SPAG8: variants seen among roughly 807,000 people sequenced by gnomAD.
SPAG8 encodes sperm-associated antigen 8.
In SPAG8, 36 loss-of-function variants were observed where a neutral mutation model predicts 45.3. The ratio of observed to expected loss-of-function variants is 0.80; its 90% CI spans 0.61 to 1.05. The LOEUF is 1.05. Ranked by LOEUF, SPAG8 falls within the 50% of genes least tolerant of loss-of-function variation. The pLI, the probability that SPAG8 is intolerant of heterozygous loss-of-function variation, is 0.00. For synonymous variants in SPAG8, 227 were observed against 232.6 expected (o/e 0.98, Z 0.22); for missense variants, 573 against 609.2 (o/e 0.94, Z 0.63).
downstream of SPAG8, chr9:35,808,571 C>G: frequency 1.2e-6 from 2 of 1,614,170 alleles, no homozygotes; most frequent in Non-Finnish European, 1.7e-6. This position sits in a 1 kb window ranked among gnomAD's most constrained non-coding sequence, Gnocchi z 4.0. Context: ...ATGGTCAACG[C>G]CATGCACCAG....
At chr9:35,808,926 C>A, downstream of SPAG8, 2 of 1,064,940 alleles carry the variant, frequency 1.9e-6, no homozygotes, top group Non-Finnish European at 2.9e-6. The surrounding 1 kb of genome is among the most constrained non-coding windows in gnomAD (Gnocchi z 4.0). Flanking sequence ...ATAATCCCTC[C>A]AATTTCTTAA....
chr9:35,809,063 G>A, downstream of SPAG8: 1 of 1,234,536 alleles, frequency 8.1e-7, no homozygotes, highest in Non-Finnish European at 1.2e-6. This position sits in a 1 kb window ranked among gnomAD's most constrained non-coding sequence, Gnocchi z 4.1. Context: ...AGGGATGGTT[G>A]GTCGGGCACG....
At chr9:35,808,270 T>C (rs868663386), downstream of SPAG8, 1 of 1,614,022 alleles carries the variant, frequency 6.2e-7, no homozygotes, top group African/African-American at 1.3e-5. This position sits in a 1 kb window ranked among gnomAD's most constrained non-coding sequence, Gnocchi z 4.0. Context: ...AGGGTGTTCA[T>C]TCATTCCGCA....
At chr9:35,807,907 T>C (rs1828494024), downstream of SPAG8, 6 of 477,086 alleles carry the variant, frequency 1.3e-5, no homozygotes, top group South Asian at 1.3e-4. Context: ...CTCAGTTGTT[T>C]TATCTGTAAG....
rs772146149 is a variant in SPAG8, at chr9:35,810,570, G to A, written c.1086-17C>T. 18 of 1,613,754 alleles carry A rather than the reference G, an allele frequency of 1.1e-5. No homozygotes were observed. The Admixed American group carries it at 2.0e-4, about 18-fold the overall frequency. On this transcript the variant is annotated splice_polypyrimidine_tract_variant and intron_variant, in intron 4 of 6. Coordinates refer to ENST00000396638, the MANE Select transcript of SPAG8 (RefSeq NM_001039592.2). ...ACCTCTTTACTATGTAGCCCGAGGG[G>A]TGTCAAGGCCATTCTCACCCAATTT... is the stretch of plus-strand genomic sequence containing the variant.
downstream of SPAG8, chr9:35,809,395 C>G: frequency 6.2e-7 from 1 of 1,614,132 alleles, no homozygotes; most frequent in Non-Finnish European, 8.5e-7. This position sits in a 1 kb window ranked among gnomAD's most constrained non-coding sequence, Gnocchi z 4.1. Flanking sequence ...AGGAAAGATG[C>G]GAACATACTG....
chr9:35,810,043 C>G lies in SPAG8; in HGVS notation c.1353G>C (p.Leu451Phe). The change falls in exon 7 of 7, where the codon TTG (leucine) becomes TTC (phenylalanine). Residue 451 changes from leucine to phenylalanine, a missense_variant. Leu to Phe is a conservative substitution (Grantham distance 22). Coordinates refer to ENST00000396638, the MANE Select transcript of SPAG8 (RefSeq NM_001039592.2). ...TPVPLSLGKL[L>F]PYEPENYPYQ... ...AGGGGTAATTCTCAGGTTCATAGGG[C>G]AAAAGTTTCCCCAGAGACAAGGGTA... is the stretch of plus-strand genomic sequence containing the variant. 1 of 1,613,754 alleles carries G rather than the reference C, an allele frequency of 6.2e-7. No homozygotes were observed. The highest frequency in any genetic ancestry group is 1.7e-5 in the Admixed American group (1 of 59,988).
At chr9:35,808,042 G>A (rs570286316), downstream of SPAG8, 633 of 714,498 alleles carry the variant, frequency 8.9e-4, 1 homozygote, top group Non-Finnish European at 1.4e-3. The surrounding 1 kb of genome is among the most constrained non-coding windows in gnomAD (Gnocchi z 4.0). Context: ...ACTTCACTGT[G>A]TATTTCCTTA....
Position 35,810,430 on chromosome 9 carries a change from G to A in SPAG8, c.1200+9C>T. The A allele has an allele frequency of 6.2e-7, 1 of 1,612,220 alleles. No individual in the cohort carries two copies. Reference sequence around the variant, plus strand: ...TGCAAGTGGCGGGGGATGGGGGGTGGGTTCTCACCTTTGTTGGGGCAGGAG... The same window carrying A: ...TGCAAGTGGCGGGGGATGGGGGGTGAGTTCTCACCTTTGTTGGGGCAGGAG... On this transcript the variant is annotated intron_variant, in intron 5 of 6. Coordinates refer to ENST00000396638, the MANE Select transcript of SPAG8 (RefSeq NM_001039592.2).
At chr9:35,811,104 C>T (rs1828768160) in intron 2 of SPAG8, 47 bp from the exon 3 acceptor site, 2 of 1,584,592 alleles carry the variant, frequency 1.3e-6, no homozygotes, top group Non-Finnish European at 1.7e-6. Flanking sequence ...CTGGTACCCA[C>T]CCTCATGTAA....
intron 3 of SPAG8, 31 bp from the exon 4 acceptor site, chr9:35,810,713 G>A (rs1202982326): frequency 1.2e-6 from 2 of 1,613,980 alleles, no homozygotes; most frequent in South Asian, 2.2e-5. Context: ...GGGCAAGGTG[G>A]GGTCTGGTTA....
At chr9:35,810,757 A>G in intron 3 of SPAG8, 75 bp from the exon 4 acceptor site, 1 of 1,606,290 alleles carries the variant, frequency 6.2e-7, no homozygotes, top group Non-Finnish European at 8.5e-7. Context: ...ACTTGAGAAA[A>G]GGAAGAAGAA....
rs779328936 is a variant in SPAG8, at chr9:35,810,011, A to G, written c.1385T>C (p.Leu462Ser). The G allele has an allele frequency of 1.2e-6, 2 of 1,612,974 alleles. No individual in the cohort carries two copies. Among genetic ancestry groups the G allele is most frequent in the Non-Finnish European group, 1.7e-6 (2 of 1,179,434 alleles). The part of the protein sequence containing the change: ...PYEPENYPYQ[L>S]GEISSLPCPG... ...ACAGGGAAGGGAAGATATTTCTCCC[A>G]ATTGGTAGGGGTAATTCTCAGGTTC... Residue 462 changes from leucine (L) to serine (S), a missense_variant, in exon 7 of 7, where the codon TTG becomes TCG. Leu to Ser is a moderately radical substitution (Grantham distance 145). Coordinates refer to ENST00000396638, the MANE Select transcript of SPAG8 (RefSeq NM_001039592.2).
rs779550773 is a variant in SPAG8, at chr9:35,811,730, T to C, written c.316A>G (p.Ile106Val). 1.1e-5 allele frequency: 17 copies of C among 1,614,030 alleles called. No homozygotes were observed. The highest frequency in any genetic ancestry group is 3.3e-5 in the South Asian group (3 of 91,086). The change falls in exon 2 of 7, where the codon ATA (isoleucine) becomes GTA (valine). Residue 106 changes from isoleucine to valine, a missense_variant. Physicochemically the swap from Ile to Val is conservative, Grantham distance 29. Coordinates refer to ENST00000396638, the MANE Select transcript of SPAG8 (RefSeq NM_001039592.2). ...PCAGPGFTHN[I>V]AHGSLGFEPV... is the part of the protein sequence containing the mutation. ...TCAAAGCCAAGACTCCCATGGGCTA[T>C]ATTGTGGGTAAAGCCGGGTCCCGCA...
At position 35,811,950 on chromosome 9, in the gene SPAG8, C is replaced by T. The variant is rs756968586; in HGVS notation, c.96G>A (p.Pro32=). 3.1e-6 allele frequency: 5 copies of T among 1,601,738 alleles called. No individual in the cohort carries two copies. In the South Asian group the frequency reaches 5.5e-5, roughly 18 times the overall value. The stretch of plus-strand genomic sequence containing the variant: ...TGGGACTGTCATCTGAAGAAGGAAA[C>T]GGTTCCGAAGTGGGCCCCAGTCCTT... The part of the protein sequence containing the change: ...SSEGLGPTSE[P]FPSSDDSPRS... The change falls in exon 2 of 7, where the codon CCG becomes CCA. Residue 32 remains proline (P), a synonymous_variant. Transcript: ENST00000396638.
Position 35,809,879 on chromosome 9 carries a change from C to G in SPAG8, c.*59G>C, listed in dbSNP as rs1011876481. The G allele has an allele frequency of 1.3e-6, 2 of 1,534,518 alleles. No homozygotes were observed. Among genetic ancestry groups the G allele is most frequent in the African/African-American group, 2.8e-5 (2 of 72,114 alleles). Reference sequence around the variant, plus strand: ...CAGTGAGAATTAACTTCCTCCCGACCTCTCTAGTGCAGACAGAAATAGATT... The same window carrying G: ...CAGTGAGAATTAACTTCCTCCCGACGTCTCTAGTGCAGACAGAAATAGATT... On this transcript the variant is annotated 3_prime_UTR_variant, in exon 7 of 7. Transcript: ENST00000396638. The surrounding 1 kb of genome is among the most constrained non-coding windows in gnomAD (Gnocchi z 4.1).
At chr9:35,808,660 G>C, downstream of SPAG8, 3 of 1,614,072 alleles carry the variant, frequency 1.9e-6, no homozygotes, top group Non-Finnish European at 1.7e-6. The surrounding 1 kb of genome is among the most constrained non-coding windows in gnomAD (Gnocchi z 4.0). Flanking sequence ...GACCAGCTGA[G>C]GCTACGCATA....
Position 35,812,168 on chromosome 9 carries a change from G to C in SPAG8, c.-21C>G, listed in dbSNP as rs756229943. 6.2e-7 allele frequency: 1 copy of C among 1,602,676 alleles called. No individual in the cohort carries two copies. The highest frequency in any genetic ancestry group is 8.5e-7 in the Non-Finnish European group (1 of 1,179,876). On this transcript the variant is annotated 5_prime_UTR_variant, in exon 1 of 7. Coordinates refer to ENST00000396638, the MANE Select transcript of SPAG8 (RefSeq NM_001039592.2). ...TCCATCTTCAGACTCCAGCTACTGG[G>C]TTGCCATAGAGACAGCAAACAACTC... is the stretch of plus-strand genomic sequence containing the variant.
downstream of SPAG8, chr9:35,807,984 TAGGG>T: frequency 3.4e-6 from 2 of 594,786 alleles, no homozygotes; most frequent in Non-Finnish European, 6.0e-6. Flanking sequence ...GACTACTATT[TAGGG>T]ATAACTACTT....
Sources: allele counts gnomAD v4.1 joint callset, GRCh38; gene constraint gnomAD v4.1.1; non-coding constraint Gnocchi (gnomAD v3.1); transcripts MANE v1.5; gene names NCBI Gene and HGNC (gene_info 2026-07-23, HGNC 2026-07-21).